ADGRL2: variants seen among roughly 807,000 people sequenced by gnomAD.
The protein encoded by ADGRL2 is adhesion G protein-coupled receptor L2, also known as calcium-independent alpha-latrotoxin receptor 2.
Under a neutral mutation model 157.4 loss-of-function variants are expected in ADGRL2, and 44 were observed. The observed-to-expected ratio is 0.28, with a 90% CI of 0.22 to 0.36. The LOEUF (loss-of-function observed/expected upper bound fraction) is 0.36. ADGRL2 is among the 10% of genes least tolerant of loss of function. The pLI is 1.00. For synonymous variants in ADGRL2, 585 were observed against 624.7 expected (o/e 0.94, Z 0.95); for missense variants, 1,510 against 1,768.9 (o/e 0.85, Z 2.63).
At chr1:81,511,225 G>A (rs1277770640) in intron 2 of ADGRL2, among the ~76,000 whole-genome samples, 1 of 151,794 alleles carries the variant, frequency 6.6e-6, no homozygotes, top group Non-Finnish European at 1.5e-5. Flanking sequence ...CTTGGAGGAT[G>A]TTGTCTTTCT....
chr1:81,352,743 C>T (rs1446491775), intron 1 of ADGRL2, among the ~76,000 whole-genome samples: 2 of 152,060 alleles, frequency 1.3e-5, no homozygotes. Context: ...GTCATCTAAA[C>T]ACTTTTGATG....
chr1:81,864,190 A>G (rs1291302446), intron 2 of ADGRL2, among the ~76,000 whole-genome samples: 1 of 152,160 alleles, frequency 6.6e-6, no homozygotes, highest in African/African-American at 2.4e-5. Context: ...AATATATTTC[A>G]TGGCTTAATT....
At chr1:81,505,115 C>T in intron 2 of ADGRL2, 1 of 432,482 alleles carries the variant, frequency 2.3e-6, no homozygotes, top group Admixed American at 3.5e-5. Context: ...AGCTTGAGCA[C>T]AAACAGATAC....
intron 2 of ADGRL2, among the ~76,000 whole-genome samples, chr1:81,898,003 G>GTT (rs2094423423): frequency 1.3e-5 from 2 of 152,128 alleles, no homozygotes; most frequent in Admixed American, 6.5e-5. Flanking sequence ...GGGTGAGGAA[G>GTT]AGGCTGATTT....
intron 3 of ADGRL2, among the ~76,000 whole-genome samples, chr1:81,693,918 C>G (rs2083392061): frequency 6.6e-6 from 1 of 152,028 alleles, no homozygotes; most frequent in Admixed American, 6.5e-5. Flanking sequence ...CTGAGCTAGG[C>G]CCTGGAGGTA....
intron 1 of ADGRL2, among the ~76,000 whole-genome samples, chr1:81,409,412 G>A (rs553572940): frequency 9.2e-5 from 14 of 152,250 alleles, no homozygotes; most frequent in Non-Finnish European, 1.5e-4. Flanking sequence ...AAGCTGTGTG[G>A]GTTAGGCAGC....
Position 81,871,810 on chromosome 1 carries a change from C to G in ADGRL2, c.73+34753C>G, listed in dbSNP as rs562249761. 4.2e-3 allele frequency among the ~76,000 whole-genome samples: 637 copies of G among 151,886 alleles called. 3 individuals are homozygous for G. Among genetic ancestry groups the G allele is most frequent in the Non-Finnish European group, 6.3e-3 (428 of 67,890 alleles). ...TGATTTTTTCTTGTAAATTTAAGTT[C>G]TTTGTAGATTCTGGATATTAGTCCT... is the stretch of plus-strand genomic sequence containing the variant. On this transcript the variant is annotated intron_variant, in intron 2 of 23. Transcript: ENST00000686636.
chr1:81,970,268 T>G (rs1658333618), intron 15 of ADGRL2, 46 bp from the exon 16 acceptor site: 1 of 1,342,806 alleles, frequency 7.4e-7, no homozygotes, highest in Admixed American at 1.7e-5. Context: ...TGGGCTATTT[T>G]TATTCATGAG....
intron 6 of ADGRL2, among the ~76,000 whole-genome samples, chr1:81,947,735 A>G (rs1256122397): frequency 3.3e-5 from 5 of 152,164 alleles, no homozygotes; most frequent in Admixed American, 6.5e-5. Context: ...ATGAGGAAAA[A>G]AAGTTGCTTT....
In ADGRL2 at chr1:81,596,864, G is replaced by A. The variant is rs143429565; in HGVS notation, c.-143+15884G>A. Reference sequence around the variant, plus strand: ...ATTTGTCTTGGCTTTTGGGTGATGAGTGGACACGGCTATGTACAACTGCTG... The same window carrying A: ...ATTTGTCTTGGCTTTTGGGTGATGAATGGACACGGCTATGTACAACTGCTG... On this transcript the variant is annotated intron_variant, in intron 3 of 24. Coordinates refer to the ADGRL2 transcript ENST00000370721. 3.2e-3 allele frequency among the ~76,000 whole-genome samples: 483 copies of A among 152,198 alleles called. 3 individuals carry two copies. The highest frequency in any genetic ancestry group is 0.011 in the African/African-American group (448 of 41,518).
chr1:81,719,764 A>G (rs958384511), intron 1 of ADGRL2, among the ~76,000 whole-genome samples: 1 of 152,086 alleles, frequency 6.6e-6, no homozygotes, highest in Non-Finnish European at 1.5e-5. Context: ...ATACAGCCCA[A>G]TGCTAGTGGA....
intron 2 of ADGRL2, among the ~76,000 whole-genome samples, chr1:81,854,796 A>C (rs2150597603): frequency 1.3e-5 from 2 of 152,286 alleles, no homozygotes; most frequent in Middle Eastern, 6.8e-3. Context: ...TCTGAGCTCC[A>C]GGAGAGTGTG....
At chr1:81,511,423 C>CACAT (rs2079075405) in intron 2 of ADGRL2, among the ~76,000 whole-genome samples, 1 of 148,960 alleles carries the variant, frequency 6.7e-6, no homozygotes, top group Non-Finnish European at 1.5e-5. Flanking sequence ...CACACACACA[C>CACAT]ACATAGACAC....
chr1:81,610,611 G>A (rs1315024030), intron 3 of ADGRL2, among the ~76,000 whole-genome samples: 2 of 152,158 alleles, frequency 1.3e-5, no homozygotes, highest in African/African-American at 4.8e-5. Context: ...TTTTAAAAGA[G>A]GTCTCTGCTG....
intron 1 of ADGRL2, among the ~76,000 whole-genome samples, chr1:81,400,746 G>A (rs1267334482): frequency 1.3e-5 from 2 of 152,086 alleles, no homozygotes; most frequent in African/African-American, 2.4e-5. Context: ...TGGGAGACAG[G>A]GAGCACCACA....
At chr1:81,738,150 G>A (rs1437179788) in intron 1 of ADGRL2, among the ~76,000 whole-genome samples, 2 of 152,176 alleles carry the variant, frequency 1.3e-5, no homozygotes, top group African/African-American at 4.8e-5. Flanking sequence ...TCTTCATGGT[G>A]CCATACAATT....
At chr1:81,570,342 C>T (rs904697990) in intron 2 of ADGRL2, among the ~76,000 whole-genome samples, 7 of 152,276 alleles carry the variant, frequency 4.6e-5, no homozygotes, top group Admixed American at 3.3e-4. Context: ...GTAATTGCTA[C>T]TCATTCATAT....
intron 9 of ADGRL2, among the ~76,000 whole-genome samples, 174 bp downstream of exon 9, chr1:81,952,316 C>T (rs928958176): frequency 1.3e-5 from 2 of 151,968 alleles, no homozygotes; most frequent in East Asian, 3.9e-4. Context: ...AGCAATGTGC[C>T]CTGCCCTCCC....
At chr1:81,543,631 G>A (rs373495813) in intron 2 of ADGRL2, among the ~76,000 whole-genome samples, 1 of 152,078 alleles carries the variant, frequency 6.6e-6, no homozygotes, top group African/African-American at 2.4e-5. Flanking sequence ...GGGTTACTAC[G>A]ATAGCCTTCC....
Sources: gnomAD v4.1 joint callset for allele counts (sites outside exome capture counted in the v4.1 genomes callset) on GRCh38, gnomAD v4.1.1 for gene constraint, MANE v1.5 for transcripts, NCBI Gene and HGNC (gene_info 2026-07-23, HGNC 2026-07-21) for gene names.